Variants in UGGT1 observed in about 807,000 individuals in gnomAD.
UGGT1 encodes UDP-glucose:glycoprotein glucosyltransferase 1.
Under a neutral mutation model 203.9 loss-of-function variants are expected in UGGT1, and 107 were observed. That is an observed-to-expected ratio of 0.52 (90% CI 0.45 to 0.62). The LOEUF (loss-of-function observed/expected upper bound fraction) is 0.62, where lower values mean the gene tolerates loss of function less well. Ranked by LOEUF, UGGT1 falls within the 20% of genes least tolerant of loss-of-function variation. The pLI, the probability that UGGT1 is intolerant of heterozygous loss-of-function variation, is 0.00. For synonymous variants in UGGT1, 628 were observed against 653.5 expected (o/e 0.96, Z 0.59); for missense variants, 1,673 against 1,867.2 (o/e 0.90, Z 1.92).
Position 128,163,675 on chromosome 2 carries a change from C to T in UGGT1, c.2826-1055C>T, listed in dbSNP as rs183384434. On this transcript the variant is annotated intron_variant, in intron 25 of 40. Coordinates refer to ENST00000259253, the MANE Select transcript of UGGT1 (RefSeq NM_020120.4). ...GCTTGCAGTGAGCGAGATCGCGCCA[C>T]TGCACTCCAGCCTGGGCGATAGAGT... Among the ~76,000 whole-genome samples, 531 of 150,858 alleles carry T rather than the reference C, an allele frequency of 3.5e-3. 2 individuals carry two copies. The highest frequency in any genetic ancestry group is 0.012 in the African/African-American group (506 of 41,014).
intron 37 of UGGT1, 91 bp downstream of exon 37, chr2:128,182,381 T>A: frequency 7.0e-7 from 1 of 1,419,006 alleles, no homozygotes; most frequent in Non-Finnish European, 9.5e-7. Flanking sequence ...AATACATTGG[T>A]ATGGTTGAAA....
At chr2:128,128,534 G>A (rs1457608494) in intron 12 of UGGT1, among the ~76,000 whole-genome samples, 1 of 151,926 alleles carries the variant, frequency 6.6e-6, no homozygotes, top group Non-Finnish European at 1.5e-5. Flanking sequence ...GGCTGGTCTC[G>A]AACTACTGAC....
At position 128,096,813 on chromosome 2, in the gene UGGT1, G is replaced by T. The variant is rs1425917546; in HGVS notation, c.59-616G>T. On this transcript the variant is annotated intron_variant, in intron 1 of 40. Transcript: ENST00000259253. ...CTTTCATCCTTTATAAAATATGGTT[G>T]TGTGCAACCTGGTGTGCCACCAACT... Among the ~76,000 whole-genome samples the T allele has an allele frequency of 1.3e-5, 2 of 152,098 alleles. 1 individual carries two copies. The highest frequency in any genetic ancestry group is 6.3e-3 in the Middle Eastern group (2 of 316).
chr2:128,117,435 G>A (rs777901248), intron 8 of UGGT1, among the ~76,000 whole-genome samples: 14 of 152,056 alleles, frequency 9.2e-5, no homozygotes, highest in Non-Finnish European at 1.8e-4. Context: ...AAAGGAAATG[G>A]TATTTTAAAA....
chr2:128,104,352 T>C (rs980907002), intron 3 of UGGT1, among the ~76,000 whole-genome samples: 5 of 152,256 alleles, frequency 3.3e-5, no homozygotes, highest in Non-Finnish European at 7.3e-5. Context: ...TCACTATTTT[T>C]GTTATGAACT....
chr2:128,172,379 CT>C (rs1009494726), intron 28 of UGGT1, among the ~76,000 whole-genome samples, 193 bp from the exon 29 acceptor site: 5 of 152,134 alleles, frequency 3.3e-5, no homozygotes, highest in Non-Finnish European at 7.4e-5. Context: ...CCTTGTTTGC[CT>C]TTTCTTGCAT....
At chr2:128,168,988 A>G (rs558886629) in intron 26 of UGGT1, among the ~76,000 whole-genome samples, 1 of 135,500 alleles carries the variant, frequency 7.4e-6, no homozygotes, top group African/African-American at 2.8e-5. Flanking sequence ...TGGAGGTTGC[A>G]GTGAACCGAG....
Position 128,159,572 on chromosome 2 carries a change from A to G in UGGT1, c.2414A>G (p.Tyr805Cys), listed in dbSNP as rs371279601. The change falls in exon 23 of 41, where the codon TAT becomes TGT. Residue 805 changes from tyrosine to cysteine, a missense_variant. Transcript: ENST00000259253. ...MINNPAKEIS[Y>C]ENTQISRAIW... is the part of the protein sequence containing the mutation. Reference sequence around the variant, plus strand: ...AATAATCCTGCCAAAGAGATAAGCTATGAGAACACTCAGATCTCCAGAGCA... The same window carrying G: ...AATAATCCTGCCAAAGAGATAAGCTGTGAGAACACTCAGATCTCCAGAGCA... 9 of 1,614,240 alleles carry G rather than the reference A, an allele frequency of 5.6e-6. No homozygotes were observed. Among genetic ancestry groups the G allele is most frequent in the Middle Eastern group, 1.6e-4 (1 of 6,062 alleles).
In UGGT1 at chr2:128,170,386, T is replaced by C; in HGVS notation, c.3020T>C (p.Leu1007Pro). The C allele has an allele frequency of 6.2e-7, 1 of 1,613,900 alleles. No individual in the cohort carries two copies. Among genetic ancestry groups the C allele is most frequent in the South Asian group, 1.1e-5 (1 of 91,070 alleles). The change falls in exon 27 of 41, where the codon CTC becomes CCC. Residue 1007 changes from leucine (L) to proline (P), a missense_variant. Coordinates refer to ENST00000259253, the MANE Select transcript of UGGT1 (RefSeq NM_020120.4). ...GAAGCACAGAGACTTGCTCCTTTGC[T>C]CTTGGTAGGAACGCTGTGCAGGAAG... ...TREAQRLAPL[L>P]LVLAQLINMN...
At chr2:128,109,137 C>G (rs1687736102) in intron 4 of UGGT1, among the ~76,000 whole-genome samples, 1 of 152,130 alleles carries the variant, frequency 6.6e-6, no homozygotes, top group South Asian at 2.1e-4. Flanking sequence ...GGAGATCTGC[C>G]TGCCTCTGCC....
In UGGT1 at chr2:128,145,808, A is replaced by T. The variant is rs1161119258; in HGVS notation, c.1857A>T (p.Ala619=). ...TGTGGTTACTTGTGTTTCAGGAAGCAAGAGGCTACTATGAGCAGACTGGAG... is the reference window on the plus strand; with the variant it reads ...TGTGGTTACTTGTGTTTCAGGAAGCTAGAGGCTACTATGAGCAGACTGGAG... ...DSAYDRNRKE[A]RGYYEQTGVG... The change falls in exon 18 of 41, where the codon GCA becomes GCT. Residue 619 remains alanine, a synonymous_variant. Transcript: ENST00000259253. 1 of 1,564,602 alleles carries T rather than the reference A, an allele frequency of 6.4e-7. No individual in the cohort carries two copies. The highest frequency in any genetic ancestry group is 8.7e-7 in the Non-Finnish European group (1 of 1,153,274).
intron 36 of UGGT1, 89 bp downstream of exon 36, chr2:128,181,161 A>G: frequency 8.0e-7 from 1 of 1,249,882 alleles, no homozygotes; most frequent in South Asian, 1.4e-5. Context: ...CTTATGGAAA[A>G]GGACATGCTT....
intron 31 of UGGT1, 22 bp downstream of exon 31, chr2:128,174,880 A>C: frequency 6.3e-7 from 1 of 1,597,128 alleles, no homozygotes; most frequent in Non-Finnish European, 8.5e-7. Flanking sequence ...TGATGCAGTT[A>C]CATTATCCCA....
chr2:128,183,612 T>C (rs2104827417), intron 37 of UGGT1, 63 bp from the exon 38 acceptor site: 9 of 1,240,580 alleles, frequency 7.3e-6, no homozygotes, highest in South Asian at 5.0e-5. Context: ...CCATTATTCA[T>C]TGGGTTTAGT....
Position 128,172,618 on chromosome 2 carries a change from C to T in UGGT1, c.3150C>T (p.Asp1050=). The T allele has an allele frequency of 3.7e-6, 6 of 1,614,106 alleles. No individual in the cohort carries two copies. Among genetic ancestry groups the T allele is most frequent in the Non-Finnish European group, 4.2e-6 (5 of 1,180,024 alleles). Residue 1050 remains aspartate, a synonymous_variant, in exon 29 of 41, where the codon GAC becomes GAT. Coordinates refer to ENST00000259253, the MANE Select transcript of UGGT1 (RefSeq NM_020120.4). ...AACCAGAGATTTCTTTCACTTCAGA[C>T]AATAGTTTTGCTAAGGGTCCAATCG... ...VLEPEISFTS[D]NSFAKGPIAK... is the part of the protein sequence containing the mutation.
At chr2:128,182,400 T>C in intron 37 of UGGT1, 110 bp downstream of exon 37, 1 of 1,348,466 alleles carries the variant, frequency 7.4e-7, no homozygotes, top group Non-Finnish European at 9.9e-7. Flanking sequence ...AAAATAAAAA[T>C]GATAAAAAAT....
chr2:128,184,408 A>G (rs1379893799), intron 38 of UGGT1, among the ~76,000 whole-genome samples: 1 of 152,218 alleles, frequency 6.6e-6, no homozygotes, highest in Non-Finnish European at 1.5e-5. Context: ...AAAAGTATAC[A>G]AAAAACATAC....
intron 1 of UGGT1, among the ~76,000 whole-genome samples, chr2:128,092,858 T>C (rs1283084042): frequency 6.6e-6 from 1 of 151,832 alleles, no homozygotes; most frequent in Non-Finnish European, 1.5e-5. Flanking sequence ...TGTTAAAGAG[T>C]GTTTTCTGTT....
chr2:128,097,471 T>C lies in UGGT1; in HGVS notation c.101T>C (p.Leu34Pro). ...KMGVLVVLTV[L>P]WLFSSVKADS... ...GGAGTTCTGGTTGTACTCACTGTTC[T>C]GTGGCTGTTCTCCTCAGTAAAGGCC... is the stretch of plus-strand genomic sequence containing the variant. Residue 34 changes from leucine (L) to proline (P), a missense_variant, in exon 2 of 41, where the codon CTG becomes CCG. Leu to Pro is a moderately conservative substitution (Grantham distance 98). Around this residue, in one of 4 missense-constraint regions of UGGT1, gnomAD observed 83 missense variants for 87.2 expected, o/e 0.95. Transcript: ENST00000259253. 1 of 1,614,236 alleles carries C rather than the reference T, an allele frequency of 6.2e-7. No homozygotes were observed. The highest frequency in any genetic ancestry group is 1.1e-5 in the South Asian group (1 of 91,090).
Sources: gnomAD v4.1 joint callset for allele counts (sites outside exome capture counted in the v4.1 genomes callset) on GRCh38, gnomAD v4.1.1 for gene constraint, gnomAD v4.1.1 regional missense constraint, MANE v1.5 for transcripts, NCBI Gene and HGNC (gene_info 2026-07-23, HGNC 2026-07-21) for gene names.